The following MLIP variants were observed in gnomAD, a reference collection of about 807,000 sequenced individuals.
MLIP encodes muscular LMNA-interacting protein.
Under a neutral mutation model 84.8 loss-of-function variants are expected in MLIP, and 79 were observed. The ratio of observed to expected loss-of-function variants is 0.93; its 90% CI spans 0.78 to 1.12. The LOEUF is 1.12. Among genes scored for constraint, MLIP ranks in the 50% most tolerant of loss-of-function variants. MLIP has a pLI of 0.00. For missense variants in MLIP, 1,257 were observed against 1,160.6 expected, an observed-to-expected ratio of 1.08 and a Z score of -1.21; for synonymous variants, 504 against 463.0, an observed-to-expected ratio of 1.09 and a Z score of -1.14.
intron 4 of MLIP, among the ~76,000 whole-genome samples, chr6:54,141,545 G>GATCC (rs1311235346): frequency 1.3e-5 from 2 of 152,122 alleles, no homozygotes; most frequent in African/African-American, 4.8e-5. Flanking sequence ...GACCACAAGT[G>GATCC]ATCCGCCTGC....
chr6:54,262,620 G>A (rs1783460717), intron 13 of MLIP, among the ~76,000 whole-genome samples: 1 of 151,964 alleles, frequency 6.6e-6, no homozygotes, highest in Admixed American at 6.6e-5. Flanking sequence ...TGGCAGATGG[G>A]GATGATGTCT....
chr6:54,025,004 A>AT (rs79753738), intron 1 of MLIP, among the ~76,000 whole-genome samples: 4,542 of 139,966 alleles, frequency 0.032, 245 homozygotes, highest in African/African-American at 0.11. Flanking sequence ...TGCCCAGCTA[A>AT]TTTTTTTTTT....
At chr6:54,200,100 T>C (rs1030258986) in intron 10 of MLIP, among the ~76,000 whole-genome samples, 3 of 152,166 alleles carry the variant, frequency 2.0e-5, no homozygotes, top group Admixed American at 6.5e-5. Context: ...CAGACTCTGA[T>C]ACTGAATGTA....
intron 1 of MLIP, among the ~76,000 whole-genome samples, chr6:54,051,970 A>G (rs975101454): frequency 1.3e-5 from 2 of 152,180 alleles, no homozygotes; most frequent in African/African-American, 4.8e-5. Flanking sequence ...TATGGACTTC[A>G]GGCAGTGCTG....
At chr6:54,025,555 A>AT (rs1168863571) in intron 1 of MLIP, among the ~76,000 whole-genome samples, 1 of 152,048 alleles carries the variant, frequency 6.6e-6, no homozygotes, top group Non-Finnish European at 1.5e-5. Context: ...ATGATATTTT[A>AT]TTTTTTTGGC....
chr6:54,215,405 A>G (rs1779787125), intron 11 of MLIP: 3 of 1,276,292 alleles, frequency 2.4e-6, no homozygotes, highest in Non-Finnish European at 3.0e-6. Flanking sequence ...AACCCATACT[A>G]ATAAGTATTT....
At chr6:54,211,628 A>T (rs191236072) in intron 11 of MLIP, among the ~76,000 whole-genome samples, 85 of 152,336 alleles carry the variant, frequency 5.6e-4, no homozygotes, top group Non-Finnish European at 8.2e-4. Context: ...TCATCAGTGA[A>T]ATGAGGGGAT....
Position 54,266,196 on chromosome 6 carries a change from C to T in MLIP, c.*241C>T, listed in dbSNP as rs889699746. Reference sequence around the variant, plus strand: ...GCACCACTGTTCTAGCCTTTAATGCCTTCTACTTAATATTAAGCTGACCGC... The same window carrying T: ...GCACCACTGTTCTAGCCTTTAATGCTTTCTACTTAATATTAAGCTGACCGC... On this transcript the variant is annotated 3_prime_UTR_variant, in exon 14 of 14. Transcript: ENST00000502396. The T allele has an allele frequency of 2.0e-6, 1 of 509,942 alleles. No individual in the cohort carries two copies. The highest frequency in any genetic ancestry group is 3.5e-6 in the Non-Finnish European group (1 of 284,870). 31.6% of individuals were successfully genotyped at this position (509,942 alleles called of 1,614,324 possible).
chr6:54,028,350 C>T (rs2150276721), intron 1 of MLIP, among the ~76,000 whole-genome samples: 1 of 152,090 alleles, frequency 6.6e-6, no homozygotes, highest in East Asian at 1.9e-4. Context: ...AATTTAGAGA[C>T]CACCTCGTGA....
rs145541545 is a variant in MLIP, at chr6:54,230,457, G to A, written c.2719-257G>A. ...CTTAATACTTTCAAAAATAAACCTG[G>A]TACCCTTCAGGAGACATTCTGCAGG... On this transcript the variant is annotated intron_variant, in intron 11 of 13. Transcript: ENST00000502396. Among the ~76,000 whole-genome samples the A allele has an allele frequency of 1.4e-3, 210 of 152,124 alleles. 1 individual carries two copies. Among genetic ancestry groups the A allele is most frequent in the African/African-American group, 4.5e-3 (188 of 41,484 alleles).
At chr6:54,128,882 A>C (rs768634219) in intron 3 of MLIP, among the ~76,000 whole-genome samples, 3 of 152,288 alleles carry the variant, frequency 2.0e-5, no homozygotes, top group African/African-American at 7.2e-5. Flanking sequence ...GTAGGCTCTC[A>C]ATAAATGATT....
chr6:54,167,228 G>T (rs536506044), intron 8 of MLIP, among the ~76,000 whole-genome samples: 1 of 151,796 alleles, frequency 6.6e-6, no homozygotes, highest in Non-Finnish European at 1.5e-5. Flanking sequence ...AAGTGCTTAC[G>T]CATTTCAAAC....
At chr6:54,187,402 G>C (rs928666004) in intron 9 of MLIP, among the ~76,000 whole-genome samples, 1 of 152,156 alleles carries the variant, frequency 6.6e-6, no homozygotes, top group East Asian at 1.9e-4. Context: ...GGTATTTAAC[G>C]AGGGGGGACT....
intron 11 of MLIP, chr6:54,216,233 AG>A (rs1455284404): frequency 2.0e-6 from 2 of 985,206 alleles, no homozygotes; most frequent in Admixed American, 1.2e-4. Context: ...TTCCTGCTAA[AG>A]GGTCAACTGA....
intron 1 of MLIP, chr6:54,057,930 G>A (rs557117433): frequency 6.6e-6 from 1 of 152,238 alleles, no homozygotes; most frequent in African/African-American, 2.4e-5. Flanking sequence ...GTATTTAACA[G>A]GAGAAGAAAA....
At chr6:54,220,928 C>A (rs534441477) in intron 11 of MLIP, among the ~76,000 whole-genome samples, 2 of 152,132 alleles carry the variant, frequency 1.3e-5, no homozygotes, top group East Asian at 3.9e-4. Context: ...GATATACACA[C>A]ACACACACAC....
At chr6:54,183,006 G>A (rs187273692) in intron 9 of MLIP, among the ~76,000 whole-genome samples, 73 of 152,258 alleles carry the variant, frequency 4.8e-4, no homozygotes, top group Admixed American at 3.2e-3. Context: ...ACAGAAAAAT[G>A]TCATTACAAT....
Position 54,258,038 on chromosome 6 carries a change from A to G in MLIP, c.2976+677A>G, listed in dbSNP as rs915016417. Among the ~76,000 whole-genome samples, 7 of 152,122 alleles carry G rather than the reference A, an allele frequency of 4.6e-5. No homozygotes were observed. The South Asian group carries it at 1.4e-3, about 31-fold the overall frequency. On this transcript the variant is annotated intron_variant, in intron 13 of 13. Transcript: ENST00000502396. Reference sequence around the variant, plus strand: ...TTTACTTTTGTATTCCTCAAGAGCAAGAATAACTGAACAGTGTTTTCTTCT... The same window carrying G: ...TTTACTTTTGTATTCCTCAAGAGCAGGAATAACTGAACAGTGTTTTCTTCT...
chr6:54,248,331 A>G (rs1319553143), intron 12 of MLIP, among the ~76,000 whole-genome samples: 1 of 152,162 alleles, frequency 6.6e-6, no homozygotes, highest in Non-Finnish European at 1.5e-5. Flanking sequence ...GATAGACAAA[A>G]AGAACAACAA....
Sources: allele counts gnomAD v4.1 joint callset (sites outside exome capture counted in the v4.1 genomes callset), GRCh38; gene constraint gnomAD v4.1.1; transcripts MANE v1.5; gene names NCBI Gene and HGNC (gene_info 2026-07-23, HGNC 2026-07-21).